DRICH1: variants seen among roughly 807,000 people sequenced by gnomAD.
The protein encoded by DRICH1 is aspartate rich 1.
DRICH1 carries 38 observed loss-of-function variants against 39.5 expected under a neutral mutation model. The ratio of observed to expected loss-of-function variants is 0.96; its 90% CI spans 0.74 to 1.26. The LOEUF is 1.26. Ranked by LOEUF, DRICH1 falls within the 50% of genes most tolerant of loss-of-function variation. The pLI is 0.00. For synonymous variants in DRICH1, 84 were observed against 99.5 expected (o/e 0.84, Z 0.93); for missense variants, 279 against 270.4 (o/e 1.03, Z -0.22).
chr22:23,626,226 A>G (rs1156744171), intron 1 of DRICH1, among the ~76,000 whole-genome samples, 178 bp from the exon 2 acceptor site: 2 of 152,222 alleles, frequency 1.3e-5, no homozygotes, highest in East Asian at 3.8e-4. Flanking sequence ...CTTGCATCTT[A>G]GCCAGTGCCC....
chr22:23,623,895 G>C, intron 3 of DRICH1: 1 of 949,438 alleles, frequency 1.1e-6, no homozygotes, highest in Middle Eastern at 5.3e-4. Context: ...AATGAGGAAA[G>C]GAAAGTCTCT....
the DRICH1 span, among the ~76,000 whole-genome samples, chr22:23,587,462 C>A: frequency 6.6e-6 from 1 of 152,162 alleles, no homozygotes; most frequent in Non-Finnish European, 1.5e-5. Flanking sequence ...GAGAGAGAAG[C>A]CTTCTCCATC....
the DRICH1 span, among the ~76,000 whole-genome samples, chr22:23,600,609 C>T: frequency 9.3e-3 from 2 of 214 alleles, no homozygotes; most frequent in Non-Finnish European, 0.056. Context: ...ATTAACCGAA[C>T]CCTCCCCTAC....
chr22:23,608,821 A>G (rs1366647487), intron 11 of DRICH1, 53 bp from the exon 12 acceptor site: 1 of 1,547,118 alleles, frequency 6.5e-7, no homozygotes, highest in African/African-American at 1.4e-5. Flanking sequence ...AGCTTTGTGC[A>G]CTATGACATC....
intron 1 of DRICH1, 118 bp from the exon 2 acceptor site, chr22:23,626,166 G>A: frequency 5.7e-6 from 4 of 697,066 alleles, no homozygotes; most frequent in Non-Finnish European, 1.0e-5. Flanking sequence ...GACCATCTCA[G>A]AGAAACAACT....
At chr22:23,624,054 C>T (rs1025687397) in intron 3 of DRICH1, 7 of 985,160 alleles carry the variant, frequency 7.1e-6, no homozygotes, top group African/African-American at 3.5e-5. Context: ...TGCAGTGAGC[C>T]CAGAGTGAAT....
the DRICH1 span, among the ~76,000 whole-genome samples, chr22:23,591,377 C>T: frequency 1.3e-5 from 2 of 152,208 alleles, no homozygotes; most frequent in African/African-American, 2.4e-5. Context: ...CTCTTCCAGG[C>T]CCTGTTCTTG....
downstream of DRICH1, among the ~76,000 whole-genome samples, chr22:23,606,241 C>T (rs1388855543): frequency 6.6e-6 from 1 of 152,140 alleles, no homozygotes; most frequent in Admixed American, 6.5e-5. Context: ...TCCATAAAAT[C>T]TCTCACCCCT....
intron 7 of DRICH1, 97 bp downstream of exon 7, chr22:23,617,478 A>T (rs1214030116): frequency 1.4e-6 from 2 of 1,389,832 alleles, no homozygotes; most frequent in Non-Finnish European, 1.0e-6. Context: ...ACTGTTTTTC[A>T]GCTGCCTGAG....
chr22:23,581,632 G>C, the DRICH1 span: 1 of 131,596 alleles, frequency 7.6e-6, no homozygotes, highest in Non-Finnish European at 1.6e-5. Flanking sequence ...TTTTTTGAGA[G>C]TCTTGCTGTG....
At chr22:23,614,924 G>A (rs1015128213) in intron 8 of DRICH1, among the ~76,000 whole-genome samples, 1 of 152,158 alleles carries the variant, frequency 6.6e-6, no homozygotes, top group Non-Finnish European at 1.5e-5. Flanking sequence ...GCTGAGAGAC[G>A]TGACTCTGAA....
intron 3 of DRICH1, chr22:23,624,111 T>C (rs1927923257): frequency 6.1e-6 from 6 of 984,908 alleles, no homozygotes; most frequent in Non-Finnish European, 6.0e-6. Flanking sequence ...ATACCAGAGG[T>C]AAACAGCAAG....
downstream of DRICH1, among the ~76,000 whole-genome samples, chr22:23,606,683 T>A (rs1400929506): frequency 1.3e-5 from 2 of 151,990 alleles, no homozygotes; most frequent in African/African-American, 4.8e-5. Context: ...TCTCCTGGTG[T>A]GCCTGGGCCC....
the DRICH1 span, among the ~76,000 whole-genome samples, chr22:23,590,522 G>T: frequency 4.9e-3 from 741 of 152,062 alleles, 5 homozygotes; most frequent in Non-Finnish European, 5.1e-3. Flanking sequence ...AAAGTGATCT[G>T]CCTGCCTTGG....
In DRICH1 at chr22:23,626,032, G is replaced by A. The variant is rs1282233895; in HGVS notation, c.225C>T (p.Arg75=). 1.6e-5 allele frequency: 26 copies of A among 1,612,998 alleles called. No individual in the cohort carries two copies. The highest frequency in any genetic ancestry group is 2.1e-5 in the Non-Finnish European group (25 of 1,179,492). Residue 75 remains arginine, a synonymous_variant, in exon 2 of 12, where the codon CGC becomes CGT. Coordinates refer to ENST00000317749, the MANE Select transcript of DRICH1 (RefSeq NM_016449.4). ...TTGATGGCAGAAATTTTAAACTCAG[G>A]CGGTCCTCAGGGGGACCTAAAAGGA... ...QKMPTGPPED[R]LSLKFLPSSE...
the DRICH1 span, among the ~76,000 whole-genome samples, chr22:23,601,593 G>A: frequency 6.6e-6 from 1 of 152,100 alleles, no homozygotes; most frequent in Non-Finnish European, 1.5e-5. Flanking sequence ...CCTGTGAAAG[G>A]GCAACATGAG....
intron 9 of DRICH1, 46 bp downstream of exon 9, chr22:23,614,089 C>G (rs774895840): frequency 3.7e-5 from 46 of 1,254,468 alleles, no homozygotes; most frequent in Non-Finnish European, 5.1e-5. Context: ...ATAAAGGAAT[C>G]AGGAAAGCAA....
chr22:23,628,419 T>TA (rs1928197706), intron 1 of DRICH1, among the ~76,000 whole-genome samples: 1 of 152,082 alleles, frequency 6.6e-6, no homozygotes, highest in Non-Finnish European at 1.5e-5. Flanking sequence ...ATATAAAAAT[T>TA]AGTTGGGTGC....
Position 23,632,215 on chromosome 22 carries a change from T to C in DRICH1, c.-192A>G, listed in dbSNP as rs1921005633. ...CTGGTCTATGAGGTCAGGGACCTGC[T>C]GTCTTCTTTGAAAAATAAACGAACA... On this transcript the variant is annotated 5_prime_UTR_variant, in exon 1 of 12. Coordinates refer to ENST00000317749, the MANE Select transcript of DRICH1 (RefSeq NM_016449.4). 1.1e-6 allele frequency: 1 copy of C among 891,232 alleles called. No individual in the cohort carries two copies. The highest frequency in any genetic ancestry group is 3.0e-5 in the Admixed American group (1 of 33,898). The allele number at this position is 891,232 out of a possible 1,614,324, so 55.2% of individuals were successfully genotyped here. A position where few individuals can be genotyped will look rare whatever the true frequency, so the allele number is the denominator to read the frequency against.
Sources: allele counts gnomAD v4.1 joint callset (sites outside exome capture counted in the v4.1 genomes callset), GRCh38; gene constraint gnomAD v4.1.1; transcripts MANE v1.5; gene names NCBI Gene and HGNC (gene_info 2026-07-23, HGNC 2026-07-21).